OCA2: variants seen among roughly 807,000 people sequenced by gnomAD.
OCA2 encodes P protein.
A neutral mutation model predicts 100.2 loss-of-function variants in OCA2; 77 were observed. The observed-to-expected ratio is 0.77, with a 90% CI of 0.64 to 0.93. OCA2 has a LOEUF of 0.93. Among genes scored for constraint, OCA2 ranks in the 40% least tolerant of loss-of-function variants. The probability of loss-of-function intolerance (pLI) is 0.00; values close to 1 mark genes in which losing one functional copy is unlikely to be tolerated. For synonymous variants in OCA2, 432 were observed against 439.2 expected (o/e 0.98, Z 0.21); for missense variants, 1,062 against 1,089.1 (o/e 0.98, Z 0.35).
chr15:27,959,047 A>C (rs1399961330), intron 15 of OCA2, among the ~76,000 whole-genome samples: 1 of 152,226 alleles, frequency 6.6e-6, no homozygotes, highest in Non-Finnish European at 1.5e-5. Flanking sequence ...AACAAAGATG[A>C]GTTAGGCAGA....
At chr15:28,063,445 G>A (rs1226904543) in intron 2 of OCA2, among the ~76,000 whole-genome samples, 1 of 151,778 alleles carries the variant, frequency 6.6e-6, no homozygotes, top group Non-Finnish European at 1.5e-5. Context: ...CTGCTACTTT[G>A]GTATTTTTTT....
At chr15:28,085,939 C>T (rs1041294296) in intron 1 of OCA2, among the ~76,000 whole-genome samples, 242 of 152,308 alleles carry the variant, frequency 1.6e-3, no homozygotes, top group African/African-American at 5.5e-3. Context: ...CTACTGCAGC[C>T]TAATACTGCA....
chr15:28,001,803 G>A (rs1231799118), intron 9 of OCA2, among the ~76,000 whole-genome samples: 1 of 152,182 alleles, frequency 6.6e-6, no homozygotes, highest in African/African-American at 2.4e-5. Context: ...GCACCTCAGC[G>A]ATGCCCGGAG....
At chr15:27,807,986 CTG>C (rs2033925844) in intron 23 of OCA2, among the ~76,000 whole-genome samples, 1 of 152,188 alleles carries the variant, frequency 6.6e-6, no homozygotes, top group Non-Finnish European at 1.5e-5. Context: ...TCACACGTGC[CTG>C]TGTGTGTGCA....
At chr15:27,791,588 G>A (rs1428870729) in intron 23 of OCA2, among the ~76,000 whole-genome samples, 2 of 152,196 alleles carry the variant, frequency 1.3e-5, no homozygotes, top group East Asian at 3.9e-4. Context: ...TATGTATGTG[G>A]CTACGGATTC....
intron 23 of OCA2, among the ~76,000 whole-genome samples, chr15:27,816,804 G>A (rs780766685): frequency 6.6e-6 from 1 of 152,028 alleles, no homozygotes; most frequent in Non-Finnish European, 1.5e-5. Flanking sequence ...TGGCCTATAG[G>A]AGCAGGAGGC....
chr15:28,040,752 C>G (rs906205553), intron 2 of OCA2, among the ~76,000 whole-genome samples: 12 of 152,064 alleles, frequency 7.9e-5, no homozygotes, highest in African/African-American at 2.9e-4. Context: ...GGACAAATTC[C>G]TAAGTACACA....
chr15:27,806,428 T>C (rs1039920595), intron 23 of OCA2, among the ~76,000 whole-genome samples: 3 of 152,160 alleles, frequency 2.0e-5, no homozygotes, highest in Non-Finnish European at 4.4e-5. Flanking sequence ...GTGGGCGAGC[T>C]TGGGGAGTAA....
At chr15:27,783,508 T>C (rs751121735) in intron 23 of OCA2, among the ~76,000 whole-genome samples, 2 of 152,150 alleles carry the variant, frequency 1.3e-5, no homozygotes, top group African/African-American at 4.8e-5. Context: ...ATGCAACTGA[T>C]TAACCTGAAA....
intron 2 of OCA2, among the ~76,000 whole-genome samples, chr15:28,064,785 T>C (rs1337520178): frequency 2.7e-5 from 4 of 150,202 alleles, no homozygotes; most frequent in Admixed American, 7.2e-5. Flanking sequence ...TGTCTGGGCT[T>C]CCTCAAGGAT....
chr15:27,766,268 G>A (rs897604725), intron 23 of OCA2, among the ~76,000 whole-genome samples: 9 of 152,108 alleles, frequency 5.9e-5, no homozygotes, highest in African/African-American at 2.2e-4. Flanking sequence ...ACATTTTGAT[G>A]GAATAGTTGA....
At chr15:27,879,134 G>A (rs74803727) in intron 19 of OCA2, among the ~76,000 whole-genome samples, 5,334 of 152,182 alleles carry the variant, frequency 0.035, 125 homozygotes, top group Middle Eastern at 0.071. Flanking sequence ...GTGCTAACTT[G>A]CCGAGGATAA....
the OCA2 span, among the ~76,000 whole-genome samples, chr15:27,730,737 A>ATT: frequency 1.0e-3 from 2 of 1,950 alleles, no homozygotes; most frequent in African/African-American, 5.3e-3. Flanking sequence ...GACCAAATAT[A>ATT]TATATATATA....
chr15:27,883,439 C>T (rs2037102086), intron 19 of OCA2, among the ~76,000 whole-genome samples: 1 of 152,116 alleles, frequency 6.6e-6, no homozygotes, highest in South Asian at 2.1e-4. Flanking sequence ...TTATGACACC[C>T]GGTTAAAACA....
At chr15:28,017,063 CG>C in intron 7 of OCA2, among the ~76,000 whole-genome samples, 1 of 33,392 alleles carries the variant, frequency 3.0e-5, no homozygotes, top group East Asian at 8.1e-4. Context: ...GCCTGGGGAG[CG>C]GGGGGCGGGG....
intron 23 of OCA2, among the ~76,000 whole-genome samples, chr15:27,810,545 GAAGT>G (rs1237686366): frequency 6.6e-6 from 1 of 152,100 alleles, no homozygotes. Flanking sequence ...TACAGCAAAA[GAAGT>G]AATCATCAGA....
intron 1 of OCA2, among the ~76,000 whole-genome samples, chr15:28,088,344 G>C (rs1013856115): frequency 6.6e-6 from 1 of 152,146 alleles, no homozygotes; most frequent in Non-Finnish European, 1.5e-5. Flanking sequence ...AAATGAGAGA[G>C]GTAAAGGATG....
intron 16 of OCA2, among the ~76,000 whole-genome samples, chr15:27,956,050 G>A (rs1180709586): frequency 3.3e-5 from 5 of 152,168 alleles, no homozygotes; most frequent in Non-Finnish European, 5.9e-5. Flanking sequence ...AAAAGAAAAT[G>A]TAAAAATAAG....
intron 1 of OCA2, among the ~76,000 whole-genome samples, chr15:28,093,418 AAAAAAAGAAAGAAAG>A (rs1228949950): frequency 6.6e-6 from 1 of 152,094 alleles, no homozygotes; most frequent in African/African-American, 2.4e-5. Context: ...TCTCAAAAAA[AAAAAAAGAAAGAAAG>A]AAAAAAGAAA....
Sources: allele counts gnomAD v4.1 joint callset (sites outside exome capture counted in the v4.1 genomes callset), GRCh38; gene constraint gnomAD v4.1.1; transcripts MANE v1.5; gene names NCBI Gene and HGNC (gene_info 2026-07-23, HGNC 2026-07-21).